Variants in BBS9 observed in about 807,000 individuals in gnomAD.
BBS9 encodes the protein Bardet-Biedl syndrome 9.
In BBS9, 89 loss-of-function variants were observed where a neutral mutation model predicts 117.7. That is an observed-to-expected ratio of 0.76 (90% CI 0.64 to 0.90). The LOEUF (loss-of-function observed/expected upper bound fraction) is 0.90, where lower values mean the gene tolerates loss of function less well. BBS9 is among the 40% of genes least tolerant of loss of function. The probability of loss-of-function intolerance (pLI) is 0.00; values close to 1 mark genes in which losing one functional copy is unlikely to be tolerated. For synonymous variants in BBS9, 379 were observed against 370.9 expected (o/e 1.02, Z -0.25); for missense variants, 982 against 1,042.2 (o/e 0.94, Z 0.80).
At chr7:33,389,065 G>A (rs1321441707) in intron 19 of BBS9, among the ~76,000 whole-genome samples, 1 of 152,080 alleles carries the variant, frequency 6.6e-6, no homozygotes, top group African/African-American at 2.4e-5. Flanking sequence ...CAAAACTATG[G>A]TATAATATCA....
At position 33,281,194 on chromosome 7, in the gene BBS9, A is replaced by G. The variant is rs1044504858; in HGVS notation, c.1016+7238A>G. On this transcript the variant is annotated intron_variant, in intron 9 of 22. Coordinates refer to ENST00000242067, the MANE Select transcript of BBS9 (RefSeq NM_198428.3). The stretch of plus-strand genomic sequence containing the variant: ...ATAAGCTTTTTGGTTTAGATATTCT[A>G]TGTTAGTCAGCTTATATTCCTGATA... 4.0e-5 allele frequency among the ~76,000 whole-genome samples: 6 copies of G among 151,518 alleles called. No homozygotes were observed. The South Asian group carries it at 6.2e-4, about 16-fold the overall frequency.
intron 19 of BBS9, among the ~76,000 whole-genome samples, chr7:33,468,369 C>G (rs1041711075): frequency 6.6e-6 from 1 of 152,106 alleles, no homozygotes; most frequent in Non-Finnish European, 1.5e-5. Context: ...CATTTCTGAT[C>G]TGCATTCAGA....
At chr7:33,167,195 T>A (rs1795833027) in intron 4 of BBS9, among the ~76,000 whole-genome samples, 2 of 152,264 alleles carry the variant, frequency 1.3e-5, no homozygotes, top group Non-Finnish European at 2.9e-5. Context: ...TTTCTCCAAT[T>A]TAGGTTCACA....
intron 20 of BBS9, among the ~76,000 whole-genome samples, chr7:33,521,415 G>C (rs943177440): frequency 3.9e-5 from 6 of 152,170 alleles, no homozygotes; most frequent in Admixed American, 6.5e-5. Flanking sequence ...GGATAAACTT[G>C]CACACTGCTC....
chr7:33,216,810 A>G (rs1261136461), intron 5 of BBS9, among the ~76,000 whole-genome samples: 1 of 152,182 alleles, frequency 6.6e-6, no homozygotes, highest in Non-Finnish European at 1.5e-5. Context: ...AGAAAAAGTT[A>G]ACCAGCCGGG....
chr7:33,538,156 C>T (rs539514703), intron 21 of BBS9, among the ~76,000 whole-genome samples: 4 of 152,104 alleles, frequency 2.6e-5, no homozygotes, highest in African/African-American at 9.7e-5. Flanking sequence ...CATAATGGGC[C>T]GTAGCTTCAG....
intron 4 of BBS9, among the ~76,000 whole-genome samples, chr7:33,169,821 T>A (rs1796263997): frequency 6.6e-6 from 1 of 151,282 alleles, no homozygotes; most frequent in Non-Finnish European, 1.5e-5. Context: ...TTTAATTAGA[T>A]CCCATTTGTC....
intron 5 of BBS9, among the ~76,000 whole-genome samples, chr7:33,206,838 C>G (rs961181677): frequency 1.3e-5 from 2 of 152,082 alleles, no homozygotes; most frequent in Non-Finnish European, 2.9e-5. Context: ...ATTACAGAAT[C>G]TAGGCTAGGG....
At chr7:33,516,613 A>T (rs1252792893) in intron 20 of BBS9, among the ~76,000 whole-genome samples, 3 of 152,060 alleles carry the variant, frequency 2.0e-5, no homozygotes, top group Non-Finnish European at 2.9e-5. Flanking sequence ...TGGGGACAGG[A>T]AGTTATAGAA....
chr7:33,198,792 T>C (rs1161389117), intron 5 of BBS9, among the ~76,000 whole-genome samples: 4 of 151,928 alleles, frequency 2.6e-5, no homozygotes, highest in Non-Finnish European at 5.9e-5. Context: ...GAAGAATGAA[T>C]TTTATTAGGT....
At chr7:33,410,946 A>G (rs1024238997) in intron 19 of BBS9, among the ~76,000 whole-genome samples, 6 of 144,194 alleles carry the variant, frequency 4.2e-5, no homozygotes, top group African/African-American at 1.0e-4. Flanking sequence ...TATTTCATGT[A>G]TCCGTCTAAT....
intron 4 of BBS9, among the ~76,000 whole-genome samples, chr7:33,172,313 G>A (rs899386454): frequency 4.6e-5 from 7 of 151,776 alleles, no homozygotes; most frequent in Middle Eastern, 3.2e-3. Context: ...CCCAGGCGGT[G>A]GAGCTTGCAG....
At chr7:33,354,747 A>G (rs1213716511) in intron 15 of BBS9, among the ~76,000 whole-genome samples, 3 of 151,968 alleles carry the variant, frequency 2.0e-5, no homozygotes, top group Non-Finnish European at 4.4e-5. Flanking sequence ...TGCCAGATGT[A>G]ATTAGAAGTC....
chr7:33,305,086 C>T (rs1807593495), intron 9 of BBS9, among the ~76,000 whole-genome samples: 1 of 151,084 alleles, frequency 6.6e-6, no homozygotes, highest in Non-Finnish European at 1.5e-5. Context: ...TATCCTATGA[C>T]CCTGCCACAT....
chr7:33,594,261 T>G (rs2129183846), intron 21 of BBS9, among the ~76,000 whole-genome samples: 1 of 152,236 alleles, frequency 6.6e-6, no homozygotes, highest in South Asian at 2.1e-4. Context: ...ACATGCATAG[T>G]CTTAAACACG....
At chr7:33,137,172 A>G (rs994800629) in intron 1 of BBS9, among the ~76,000 whole-genome samples, 2 of 152,060 alleles carry the variant, frequency 1.3e-5, no homozygotes, top group African/African-American at 4.8e-5. Context: ...GTGTATCAGC[A>G]CTGCCCTGAG....
intron 5 of BBS9, among the ~76,000 whole-genome samples, chr7:33,255,953 C>T (rs1202246998): frequency 2.0e-5 from 3 of 151,764 alleles, no homozygotes; most frequent in Admixed American, 6.6e-5. Context: ...GTCAAGAGAT[C>T]GAGACCATCC....
intron 4 of BBS9, among the ~76,000 whole-genome samples, chr7:33,163,248 T>A (rs185255429): frequency 3.4e-4 from 52 of 152,320 alleles, no homozygotes; most frequent in African/African-American, 1.2e-3. Context: ...CTATTGAGGA[T>A]TTTCGTGTCA....
At chr7:33,211,270 G>A (rs577071322) in intron 5 of BBS9, among the ~76,000 whole-genome samples, 1 of 151,982 alleles carries the variant, frequency 6.6e-6, no homozygotes, top group South Asian at 2.1e-4. Context: ...TTTAATGAAG[G>A]TGACTTTCTG....
Sources: gnomAD v4.1 joint callset for allele counts (sites outside exome capture counted in the v4.1 genomes callset) on GRCh38, gnomAD v4.1.1 for gene constraint, MANE v1.5 for transcripts, NCBI Gene and HGNC (gene_info 2026-07-23, HGNC 2026-07-21) for gene names.